SERAC1: variants seen among roughly 807,000 people sequenced by gnomAD.
The protein encoded by SERAC1 is serine active site containing 1.
SERAC1 carries 36 observed loss-of-function variants against 85.7 expected under a neutral mutation model. The ratio of observed to expected loss-of-function variants is 0.42; its 90% CI spans 0.32 to 0.55. The LOEUF is 0.55. SERAC1 is among the 20% of genes least tolerant of loss of function. The probability of loss-of-function intolerance (pLI) is 0.11; values close to 1 mark genes in which losing one functional copy is unlikely to be tolerated. For missense variants in SERAC1, 629 were observed against 796.2 expected (o/e 0.79, Z 2.53); for synonymous variants, 242 against 265.3 (o/e 0.91, Z 0.85).
chr6:158,156,979 T>C (rs1387555159), intron 2 of SERAC1, among the ~76,000 whole-genome samples: 1 of 88,662 alleles, frequency 1.1e-5, no homozygotes, highest in East Asian at 4.1e-4. Flanking sequence ...TATTTATATA[T>C]AATAAATACA....
At chr6:158,161,410 G>T (rs1180852038) in intron 1 of SERAC1, 1 of 151,654 alleles carries the variant, frequency 6.6e-6, no homozygotes, top group Admixed American at 6.6e-5. Flanking sequence ...AGTAATAGCT[G>T]GGTTTGGAAT....
chr6:158,130,303 A>C, intron 9 of SERAC1, 70 bp downstream of exon 9: 1 of 854,252 alleles, frequency 1.2e-6, no homozygotes, highest in South Asian at 2.3e-5. Flanking sequence ...TTGCCCTTGC[A>C]AAAATCAACC....
Position 158,117,679 on chromosome 6 carries a change from C to A in SERAC1, c.1403+48G>T. ...TCCCATCCAAGAGGACCTAAACTTG[C>A]GGCCTGAATTCTTCCCTGTCCTCCT... On this transcript the variant is annotated intron_variant, in intron 13 of 16. Transcript: ENST00000647468. The surrounding 1 kb of genome is among the most constrained non-coding windows in gnomAD (Gnocchi z 4.3). 6.2e-7 allele frequency: 1 copy of A among 1,610,326 alleles called. No homozygotes were observed. Among genetic ancestry groups the A allele is most frequent in the Non-Finnish European group, 8.5e-7 (1 of 1,176,988 alleles).
At chr6:158,132,426 G>T (rs1043726440) in intron 8 of SERAC1, among the ~76,000 whole-genome samples, 1 of 152,122 alleles carries the variant, frequency 6.6e-6, no homozygotes, top group Non-Finnish European at 1.5e-5. Context: ...GTCATGAAAA[G>T]TCGTCCTTCT....
chr6:158,128,086 A>ACTCAGT (rs1784587966), intron 10 of SERAC1, 22 bp downstream of exon 10: 2 of 1,604,150 alleles, frequency 1.2e-6, no homozygotes, highest in African/African-American at 2.7e-5. Context: ...AGTAAAAAAT[A>ACTCAGT]CTCAGTATAT....
At chr6:158,152,683 T>C (rs1216096777) in intron 3 of SERAC1, 1 of 152,198 alleles carries the variant, frequency 6.6e-6, no homozygotes, top group African/African-American at 2.4e-5. Flanking sequence ...TTTAAAATTT[T>C]ATTTACTGTA....
chr6:158,159,504 CAAAA>C (rs71027385), intron 1 of SERAC1, among the ~76,000 whole-genome samples: 1 of 108,396 alleles, frequency 9.2e-6, no homozygotes. Context: ...GACCCGGTTT[CAAAA>C]AAAAAAAAAA....
chr6:158,143,343 CTCTCTATATA>C (rs1368890451), intron 7 of SERAC1, among the ~76,000 whole-genome samples, 159 bp from the exon 8 acceptor site: 1,559 of 33,384 alleles, frequency 0.047, 11 homozygotes, highest in Middle Eastern at 0.13. Flanking sequence ...CTCTCTCTCT[CTCTCTATATA>C]TATATATATA....
At chr6:158,115,230 A>C (rs1182022978) in intron 14 of SERAC1, among the ~76,000 whole-genome samples, 2 of 152,208 alleles carry the variant, frequency 1.3e-5, no homozygotes, top group East Asian at 3.8e-4. Context: ...GTCTCACAGG[A>C]TCTACTGTCC....
At chr6:158,128,608 C>G (rs1784600569) in intron 9 of SERAC1, among the ~76,000 whole-genome samples, 1 of 152,106 alleles carries the variant, frequency 6.6e-6, no homozygotes, top group African/African-American at 2.4e-5. Flanking sequence ...TTGAAATTAC[C>G]TTAAAACAGT....
intron 12 of SERAC1, among the ~76,000 whole-genome samples, chr6:158,118,270 C>T (rs747558160): frequency 6.6e-6 from 1 of 152,120 alleles, no homozygotes; most frequent in African/African-American, 2.4e-5. Context: ...TCAGTGCCAC[C>T]AGAAAGTGCA....
intron 14 of SERAC1, 139 bp from the exon 15 acceptor site, chr6:158,115,110 G>C (rs41269575): frequency 1.3e-5 from 11 of 852,898 alleles, no homozygotes; most frequent in Non-Finnish European, 1.8e-5. Flanking sequence ...ACAATTCTCT[G>C]TACAGTAGTA....
chr6:158,164,229 A>G (rs1785547297), intron 1 of SERAC1, among the ~76,000 whole-genome samples: 1 of 151,788 alleles, frequency 6.6e-6, no homozygotes, highest in South Asian at 2.1e-4. Flanking sequence ...TAATCCCAGC[A>G]CTTTGGGAGG....
At position 158,113,699 on chromosome 6, in the gene SERAC1, C is replaced by T. The variant is rs536549986; in HGVS notation, c.1685-107G>A. 1.5e-3 allele frequency: 1,580 copies of T among 1,075,742 alleles called. 2 individuals are homozygous for T. Among genetic ancestry groups the T allele is most frequent in the Non-Finnish European group, 1.9e-3 (1,404 of 749,740 alleles). The allele number at this position is 1,075,742 out of a possible 1,614,324, so 66.6% of individuals were successfully genotyped here. On this transcript the variant is annotated intron_variant, in intron 15 of 16. Coordinates refer to ENST00000647468, the MANE Select transcript of SERAC1 (RefSeq NM_032861.4). ...AGGAAATTAGAATTCTGATTCAAGA[C>T]GGTGGCTTGAGTACACATGTTTATT...
At chr6:158,135,551 A>G (rs1189061950) in intron 8 of SERAC1, among the ~76,000 whole-genome samples, 1 of 152,176 alleles carries the variant, frequency 6.6e-6, no homozygotes. Flanking sequence ...AGCTGTCATA[A>G]AAGAATTACC....
intron 6 of SERAC1, 76 bp from the exon 7 acceptor site, chr6:158,144,496 CT>C (rs1030408074): frequency 5.8e-6 from 8 of 1,373,142 alleles, no homozygotes; most frequent in Admixed American, 2.5e-5. Flanking sequence ...GAACAAACAA[CT>C]TGAAAGCACT....
At chr6:158,150,903 G>A in intron 3 of SERAC1, 1 of 249,012 alleles carries the variant, frequency 4.0e-6, no homozygotes, top group Non-Finnish European at 7.8e-6. Flanking sequence ...AATCTACTGT[G>A]CTGCCCGTCC....
intron 4 of SERAC1, among the ~76,000 whole-genome samples, chr6:158,149,409 G>C (rs1472492612): frequency 6.6e-6 from 1 of 152,128 alleles, no homozygotes; most frequent in East Asian, 1.9e-4. Context: ...CACTATCGAT[G>C]CAACTAAAAC....
At chr6:158,153,448 G>C (rs748516935) in intron 3 of SERAC1, among the ~76,000 whole-genome samples, 1 of 151,952 alleles carries the variant, frequency 6.6e-6, no homozygotes, top group Non-Finnish European at 1.5e-5. Context: ...CATACAGTAC[G>C]TGTTCCTCTA....
Sources: gnomAD v4.1 joint callset for allele counts (sites outside exome capture counted in the v4.1 genomes callset) on GRCh38, gnomAD v4.1.1 for gene constraint, Gnocchi (gnomAD v3.1) non-coding constraint, MANE v1.5 for transcripts, NCBI Gene and HGNC (gene_info 2026-07-23, HGNC 2026-07-21) for gene names.